PCDHGA2: variants seen among roughly 807,000 people sequenced by gnomAD.
The protein encoded by PCDHGA2 is protocadherin gamma subfamily A, 2.
In PCDHGA2, 40 loss-of-function variants were observed where a neutral mutation model predicts 59.2. That is an observed-to-expected ratio of 0.68 (90% confidence interval 0.52 to 0.88). The LOEUF (loss-of-function observed/expected upper bound fraction) is 0.88, where lower values mean the gene tolerates loss of function less well. Ranked by LOEUF, PCDHGA2 falls within the 40% of genes least tolerant of loss-of-function variation. The pLI, the probability that PCDHGA2 is intolerant of heterozygous loss-of-function variation, is 0.00. For missense variants in PCDHGA2, 1,226 were observed against 1,204.0 expected (o/e 1.02, Z -0.27); for synonymous variants, 560 against 526.0 (o/e 1.06, Z -0.89).
At chr5:141,360,525 C>T in intron 1 of PCDHGA2, 1 of 1,613,772 alleles carries the variant, frequency 6.2e-7, no homozygotes, top group African/African-American at 1.3e-5. Flanking sequence ...ATGATAATAC[C>T]CCGCTATTCA....
At position 141,340,494 on chromosome 5, in the gene PCDHGA2, A is replaced by T. The variant is rs750347331; in HGVS notation, c.1523A>T (p.Asn508Ile). ...GAPLSSYISI[N>I]SDTGVLYALR... Reference sequence around the variant, plus strand: ...CCCTTATCCTCTTACATCTCTATCAACTCCGACACTGGAGTACTCTATGCA... The same window carrying T: ...CCCTTATCCTCTTACATCTCTATCATCTCCGACACTGGAGTACTCTATGCA... The change falls in exon 1 of 4, where the codon AAC (asparagine) becomes ATC (isoleucine). Residue 508 changes from asparagine (N) to isoleucine (I), a missense_variant. Physicochemically the swap from Asn to Ile is moderately radical, Grantham distance 149. Coordinates refer to ENST00000394576, the MANE Select transcript of PCDHGA2 (RefSeq NM_018915.4). 6.8e-6 allele frequency: 11 copies of T among 1,613,726 alleles called. No homozygotes were observed. The highest frequency in any genetic ancestry group is 9.3e-6 in the Non-Finnish European group (11 of 1,179,970).
Position 141,340,530 on chromosome 5 carries a change from T to C in PCDHGA2, c.1559T>C (p.Phe520Ser). 5.6e-6 allele frequency: 9 copies of C among 1,614,198 alleles called. No homozygotes were observed. The highest frequency in any genetic ancestry group is 7.6e-6 in the Non-Finnish European group (9 of 1,180,044). ...GGAGTACTCTATGCACTGCGCTCCT[T>C]TGATTATGAGCAGTTGCGAGACTTG... The part of the protein sequence containing the change: ...DTGVLYALRS[F>S]DYEQLRDLQV... The change falls in exon 1 of 4, where the codon TTT becomes TCT. Residue 520 changes from phenylalanine to serine, a missense_variant. Transcript: ENST00000394576.
chr5:141,361,116 A>G, intron 1 of PCDHGA2: 1 of 1,614,026 alleles, frequency 6.2e-7, no homozygotes, highest in Non-Finnish European at 8.5e-7. Context: ...CTGGAGATCT[A>G]GCAGCCCACT....
chr5:141,478,026 C>T (rs1192406949), intron 1 of PCDHGA2: 2 of 1,614,062 alleles, frequency 1.2e-6, no homozygotes, highest in East Asian at 2.2e-5. Flanking sequence ...GTCCAAGACA[C>T]AGATTCACCC....
Position 141,476,447 on chromosome 5 carries a change from G to A in PCDHGA2, c.2425-18360G>A. 2 of 1,614,130 alleles carry A rather than the reference G, an allele frequency of 1.2e-6. No homozygotes were observed. The highest frequency in any genetic ancestry group is 1.7e-6 in the Non-Finnish European group (2 of 1,180,026). On this transcript the variant is annotated intron_variant, in intron 1 of 3. Transcript: ENST00000394576. This position sits in a 1 kb window ranked among gnomAD's most constrained non-coding sequence, Gnocchi z 7.6. ...CTCTTGCACTGTAACTCTGGAGTTGGTAGTGGAGAACCCGCTGGAGCTGTT... is the reference window on the plus strand; with the variant it reads ...CTCTTGCACTGTAACTCTGGAGTTGATAGTGGAGAACCCGCTGGAGCTGTT...
At position 141,490,176 on chromosome 5, in the gene PCDHGA2, G is replaced by T. The variant is rs758876319; in HGVS notation, c.2425-4631G>T. On this transcript the variant is annotated intron_variant, in intron 1 of 3. Transcript: ENST00000394576. This position sits in a 1 kb window ranked among gnomAD's most constrained non-coding sequence, Gnocchi z 5.4. ...TGTTGGGTCCCATAGACTTTGAGGAGTCACGTTTCTATGAAATTCATGCAA... is the reference window on the plus strand; with the variant it reads ...TGTTGGGTCCCATAGACTTTGAGGATTCACGTTTCTATGAAATTCATGCAA... 12 of 1,614,100 alleles carry T rather than the reference G, an allele frequency of 7.4e-6. No homozygotes were observed. Among genetic ancestry groups the T allele is most frequent in the Non-Finnish European group, 1.0e-5 (12 of 1,180,046 alleles).
rs17097251 is a variant in PCDHGA2 at position 141,383,615 on chromosome 5, C to T, written c.2424+42220C>T. On this transcript the variant is annotated intron_variant, in intron 1 of 3. Coordinates refer to ENST00000394576, the MANE Select transcript of PCDHGA2 (RefSeq NM_018915.4). ...ACAGTGGTGGATGTGAATGACCACA[C>T]GCCTGTCTTCTCTCTGCCTCAGTAC... 8,353 of 1,613,802 alleles carry T rather than the reference C, an allele frequency of 5.2e-3. 355 individuals are homozygous for T. The African/African-American group carries it at 0.098, about 19-fold the overall frequency.
In PCDHGA2 at chr5:141,431,149, G is replaced by A. The variant is rs150692324; in HGVS notation, c.2425-63658G>A. Reference sequence around the variant, plus strand: ...AAGTAAGGGACATTAACGACAATGCGCCTTACTTTCGTGAAAGTGAATTAG... The same window carrying A: ...AAGTAAGGGACATTAACGACAATGCACCTTACTTTCGTGAAAGTGAATTAG... On this transcript the variant is annotated intron_variant, in intron 1 of 3. Coordinates refer to ENST00000394576, the MANE Select transcript of PCDHGA2 (RefSeq NM_018915.4). This position sits in a 1 kb window ranked among gnomAD's most constrained non-coding sequence, Gnocchi z 4.8. The A allele has an allele frequency of 3.7e-4, 605 of 1,614,210 alleles. No individual in the cohort carries two copies. Among genetic ancestry groups the A allele is most frequent in the Non-Finnish European group, 4.7e-4 (552 of 1,180,020 alleles).
At chr5:141,441,911 T>TGAG in intron 1 of PCDHGA2, 1 of 348,148 alleles carries the variant, frequency 2.9e-6, no homozygotes, top group Non-Finnish European at 5.5e-6. Context: ...GACGCAGATG[T>TGAG]GAGACACAAT....
At chr5:141,481,216 G>T (rs2099534005) in intron 1 of PCDHGA2, among the ~76,000 whole-genome samples, 3 of 152,110 alleles carry the variant, frequency 2.0e-5, no homozygotes, top group Admixed American at 6.5e-5. Flanking sequence ...ACATGGTAAG[G>T]TCTCCCAGCC....
At chr5:141,347,777 A>G (rs1758015227) in intron 1 of PCDHGA2, among the ~76,000 whole-genome samples, 1 of 147,018 alleles carries the variant, frequency 6.8e-6, no homozygotes, top group African/African-American at 2.5e-5. Flanking sequence ...ATAGAGAGAG[A>G]CTCCATCTCA....
intron 1 of PCDHGA2, among the ~76,000 whole-genome samples, chr5:141,458,102 A>G (rs1314999618): frequency 6.6e-6 from 1 of 152,246 alleles, no homozygotes; most frequent in Admixed American, 6.5e-5. Context: ...GTACTTACAG[A>G]TAGTCTCCAA....
intron 1 of PCDHGA2, chr5:141,384,038 G>C (rs1779701578): frequency 6.2e-7 from 1 of 1,613,110 alleles, no homozygotes; most frequent in East Asian, 2.2e-5. Flanking sequence ...GGAAAGAATG[G>C]TGAGGTGACC....
intron 1 of PCDHGA2, chr5:141,420,103 G>C (rs754672450): frequency 4.3e-6 from 7 of 1,613,990 alleles, no homozygotes; most frequent in Non-Finnish European, 2.5e-6. Context: ...AGGGAACGTT[G>C]CCCTATGCCT....
intron 1 of PCDHGA2, among the ~76,000 whole-genome samples, chr5:141,435,651 C>T (rs762264332): frequency 1.4e-4 from 22 of 152,044 alleles, no homozygotes; most frequent in Non-Finnish European, 2.9e-4. Flanking sequence ...ATTTCTGAAA[C>T]GTGCACAGAT....
Position 141,388,205 on chromosome 5 carries a change from G to T in PCDHGA2, c.2424+46810G>T, listed in dbSNP as rs2091277297. 6.3e-7 allele frequency: 1 copy of T among 1,578,264 alleles called. No homozygotes were observed. ...AGCCAGCTTGTGCTCTGGAATTTGA[G>T]GCTGTTGCTGAAAATCCACTGAACT... On this transcript the variant is annotated intron_variant, in intron 1 of 3. Transcript: ENST00000394576.
At chr5:141,500,452 G>C (rs554196222) in intron 2 of PCDHGA2, among the ~76,000 whole-genome samples, 1 of 151,506 alleles carries the variant, frequency 6.6e-6, no homozygotes, top group South Asian at 2.1e-4. Context: ...CTCGTGATCC[G>C]CCCGCCTCGG....
intron 1 of PCDHGA2, chr5:141,394,844 T>C (rs2093111751): frequency 6.2e-7 from 1 of 1,613,752 alleles, no homozygotes. Context: ...AGTTGGGCAG[T>C]CTGAAGCCTT....
intron 1 of PCDHGA2, chr5:141,350,526 G>T: frequency 6.2e-7 from 1 of 1,614,020 alleles, no homozygotes; most frequent in Non-Finnish European, 8.5e-7. Context: ...AGGATAGATC[G>T]AGAGAAGATT....
Sources: gnomAD v4.1 joint callset for allele counts (sites outside exome capture counted in the v4.1 genomes callset) on GRCh38, gnomAD v4.1.1 for gene constraint, Gnocchi (gnomAD v3.1) non-coding constraint, MANE v1.5 for transcripts, NCBI Gene and HGNC (gene_info 2026-07-23, HGNC 2026-07-21) for gene names.